MTCL1: variants seen among roughly 807,000 people sequenced by gnomAD.
The protein encoded by MTCL1 is microtubule cross-linking factor 1.
Under a neutral mutation model 141.4 loss-of-function variants are expected in MTCL1, and 79 were observed. That is an observed-to-expected ratio of 0.56 (90% CI 0.47 to 0.67). MTCL1 has a LOEUF of 0.67. Among genes scored for constraint, MTCL1 ranks in the 30% least tolerant of loss-of-function variants. MTCL1 has a pLI of 0.00. For missense variants in MTCL1, 2,177 were observed against 2,113.9 expected (o/e 1.03, Z -0.59); for synonymous variants, 914 against 875.8 (o/e 1.04, Z -0.77).
intron 4 of MTCL1, among the ~76,000 whole-genome samples, chr18:8,773,104 C>T (rs1302785736): frequency 6.6e-6 from 1 of 152,110 alleles, no homozygotes; most frequent in Non-Finnish European, 1.5e-5. Context: ...AGTACTCACT[C>T]ACGATGATAG....
chr18:8,796,482 C>T lies in MTCL1; in HGVS notation c.2241+20C>T. On this transcript the variant is annotated intron_variant, in intron 9 of 16. Coordinates refer to ENST00000359865, the Ensembl canonical transcript of MTCL1. ...ACTGAGGTAACTCCACTGTCGAATT[C>T]CTTTTATTTGCATCTGTTTTGTCCT... is the stretch of plus-strand genomic sequence containing the variant. The T allele has an allele frequency of 6.2e-7, 1 of 1,612,064 alleles. No individual in the cohort carries two copies. Among genetic ancestry groups the T allele is most frequent in the South Asian group, 1.1e-5 (1 of 90,880 alleles).
chr18:8,750,976 A>G (rs2096367896), intron 4 of MTCL1, among the ~76,000 whole-genome samples: 1 of 152,120 alleles, frequency 6.6e-6, no homozygotes, highest in Admixed American at 6.5e-5. Flanking sequence ...GGACAGATGC[A>G]GTGTGCACCG....
At chr18:8,710,888 C>CTTTTTTTTTTTTT (rs71356255) in intron 1 of MTCL1, among the ~76,000 whole-genome samples, 1 of 80,932 alleles carries the variant, frequency 1.2e-5, no homozygotes, top group Non-Finnish European at 2.2e-5. Context: ...TTTTTTTTTA[C>CTTTTTTTTTTTTT]TTTTTTTTTT....
At chr18:8,758,311 C>T (rs1450117699) in intron 4 of MTCL1, among the ~76,000 whole-genome samples, 3 of 152,142 alleles carry the variant, frequency 2.0e-5, no homozygotes, top group Admixed American at 6.5e-5. Context: ...GCGTAAGCCA[C>T]CACGCCTGGC....
chr18:8,753,621 G>A (rs2096382867), intron 4 of MTCL1, among the ~76,000 whole-genome samples: 1 of 152,146 alleles, frequency 6.6e-6, no homozygotes, highest in South Asian at 2.1e-4. Flanking sequence ...TGTGAGCTGT[G>A]GTGTCACAGC....
At chr18:8,736,546 G>A (rs1223656060) in intron 4 of MTCL1, among the ~76,000 whole-genome samples, 1 of 151,852 alleles carries the variant, frequency 6.6e-6, no homozygotes, top group Non-Finnish European at 1.5e-5. Context: ...CAGAATGATT[G>A]TACAGGTATT....
chr18:8,769,731 G>T (rs1355448548), intron 4 of MTCL1, among the ~76,000 whole-genome samples: 1 of 152,200 alleles, frequency 6.6e-6, no homozygotes, highest in Non-Finnish European at 1.5e-5. Context: ...TGACTTGGAT[G>T]CTGGGAATCC....
At chr18:8,724,915 A>G (rs1377765419) in intron 4 of MTCL1, among the ~76,000 whole-genome samples, 3 of 150,466 alleles carry the variant, frequency 2.0e-5, no homozygotes, top group Non-Finnish European at 1.5e-5. Flanking sequence ...GGAGTCTGTG[A>G]CCCTAGGCAC....
chr18:8,756,453 GTGTATATA>G (rs1432765864), intron 4 of MTCL1, among the ~76,000 whole-genome samples: 7 of 142,742 alleles, frequency 4.9e-5, no homozygotes, highest in Middle Eastern at 3.6e-3. Context: ...GTGTATATAT[GTGTATATA>G]TGTGTATATG....
exon 7 of MTCL1, chr18:8,785,938 C>T: frequency 6.3e-7 from 1 of 1,598,616 alleles, no homozygotes; most frequent in Non-Finnish European, 8.5e-7. Flanking sequence ...CCTAACAGTC[C>T]AGACTGAAAG....
intron 4 of MTCL1, among the ~76,000 whole-genome samples, chr18:8,739,814 C>T: frequency 6.6e-6 from 1 of 152,220 alleles, no homozygotes; most frequent in East Asian, 1.9e-4. Context: ...TCACTGCAAC[C>T]TCTGCCTCCC....
At chr18:8,726,494 A>AGAGAGAGAGAGC (rs1290919629) in intron 4 of MTCL1, among the ~76,000 whole-genome samples, 2 of 128,346 alleles carry the variant, frequency 1.6e-5, no homozygotes, top group African/African-American at 5.3e-5. Context: ...AGAGAGAGAG[A>AGAGAGAGAGAGC]GCGCGCGCGC....
intron 13 of MTCL1, 146 bp downstream of exon 12, chr18:8,819,405 T>G (rs1009337221): frequency 6.3e-6 from 5 of 792,486 alleles, no homozygotes; most frequent in East Asian, 2.7e-5. Flanking sequence ...AAATGAAATC[T>G]TCACAACACC....
chr18:8,788,609 T>C (rs1770895739), intron 7 of MTCL1, among the ~76,000 whole-genome samples: 1 of 152,128 alleles, frequency 6.6e-6, no homozygotes, highest in African/African-American at 2.4e-5. Context: ...GTTGTAACGC[T>C]AAAGAGGAGA....
At position 8,711,965 on chromosome 18, in the gene MTCL1, G is replaced by A. The variant is rs114403159; in HGVS notation, c.1053+5252G>A. On this transcript the variant is annotated intron_variant, in intron 1 of 13. Coordinates refer to the MTCL1 transcript ENST00000306329. ...GACAGTCAGACAAGCCGGAGTGCTC[G>A]TTGTCAACATATTAATTATGTTCTC... Among the ~76,000 whole-genome samples, 222 of 152,250 alleles carry A rather than the reference G, an allele frequency of 1.5e-3. 2 individuals carry two copies. The highest frequency in any genetic ancestry group is 4.4e-4 in the Non-Finnish European group (30 of 68,024).
chr18:8,711,278 C>G (rs2096090565), intron 1 of MTCL1, among the ~76,000 whole-genome samples: 1 of 145,844 alleles, frequency 6.9e-6, no homozygotes, highest in Non-Finnish European at 1.5e-5. Context: ...TTTTCTTAAT[C>G]CAGTCTATCA....
At chr18:8,733,567 G>A (rs549137786) in intron 4 of MTCL1, among the ~76,000 whole-genome samples, 1 of 152,132 alleles carries the variant, frequency 6.6e-6, no homozygotes, top group South Asian at 2.1e-4. Context: ...CACCACACCT[G>A]GCTAATTTTT....
rs1299513366 is a variant in MTCL1, at chr18:8,810,921, G to A, written c.2605-2058G>A. Among the ~76,000 whole-genome samples, 3 of 152,118 alleles carry A rather than the reference G, an allele frequency of 2.0e-5. No individual in the cohort carries two copies. Among genetic ancestry groups the A allele is most frequent in the Non-Finnish European group, 4.4e-5 (3 of 68,026 alleles). ...TCCACTAAGATTCAGGGACAAAACA[G>A]TGTGCTCTCCCCGCTTAATGAAGCA... is the stretch of plus-strand genomic sequence containing the variant. On this transcript the variant is annotated intron_variant, in intron 11 of 16. Transcript: ENST00000359865. This position sits in a 1 kb window ranked among gnomAD's most constrained non-coding sequence, Gnocchi z 5.0.
chr18:8,830,116 G>C lies in MTCL1; in HGVS notation c.*18+1152G>C, dbSNP rs543784607. 1.0e-6 allele frequency: 1 copy of C among 985,352 alleles called. No homozygotes were observed. The highest frequency in any genetic ancestry group is 4.7e-5 in the South Asian group (1 of 21,278). The allele number at this position is 985,352 out of a possible 1,614,324, so 61.0% of individuals were successfully genotyped here. A position where few individuals can be genotyped will look rare whatever the true frequency, so the allele number is the denominator to read the frequency against. On this transcript the variant is annotated intron_variant, in intron 16 of 16. Coordinates refer to ENST00000359865, the Ensembl canonical transcript of MTCL1. The surrounding 1 kb of genome is among the most constrained non-coding windows in gnomAD (Gnocchi z 6.4). ...GGGGAGCGCAGACACAAAACACACA[G>C]ATTTCCCAAACCGTGTGTCCCAGTC...
Sources: gnomAD v4.1 joint callset for allele counts (sites outside exome capture counted in the v4.1 genomes callset) on GRCh38, gnomAD v4.1.1 for gene constraint, Gnocchi (gnomAD v3.1) non-coding constraint, MANE v1.5 for transcripts, NCBI Gene and HGNC (gene_info 2026-07-23, HGNC 2026-07-21) for gene names.